SLC13A5: variants seen among roughly 807,000 people sequenced by gnomAD.
The protein encoded by SLC13A5 is solute carrier family 13 member 5.
A neutral mutation model predicts 56.5 loss-of-function variants in SLC13A5; 25 were observed. The ratio of observed to expected loss-of-function variants is 0.44; its 90% CI spans 0.32 to 0.62. The LOEUF is 0.62. Among genes scored for constraint, SLC13A5 ranks in the 20% least tolerant of loss-of-function variants. SLC13A5 has a pLI of 0.04. For missense variants in SLC13A5, 649 were observed against 737.8 expected, an observed-to-expected ratio of 0.88 and a Z score of 1.39; for synonymous variants, 307 against 301.5, an observed-to-expected ratio of 1.02 and a Z score of -0.19.
At chr17:6,703,200 T>G in intron 4 of SLC13A5, 62 bp from the exon 5 acceptor site, 1 of 1,589,112 alleles carries the variant, frequency 6.3e-7, no homozygotes, top group Non-Finnish European at 8.6e-7. Flanking sequence ...CAGCCCCAGG[T>G]CCTGACTCTG....
At chr17:6,703,779 G>T (rs989124244) in intron 4 of SLC13A5, 99 bp downstream of exon 4, 1 of 1,302,368 alleles carries the variant, frequency 7.7e-7, no homozygotes, top group East Asian at 2.4e-5. Context: ...GGAGGGCTCC[G>T]GGAAGCAGAC....
chr17:6,708,679 T>C (rs926023304), intron 1 of SLC13A5, among the ~76,000 whole-genome samples: 2 of 152,254 alleles, frequency 1.3e-5, no homozygotes, highest in African/African-American at 4.8e-5. Flanking sequence ...GATAATTATT[T>C]ACCCAGTTAC....
intron 10 of SLC13A5, 32 bp downstream of exon 10, chr17:6,690,747 G>A (rs1430674284): frequency 1.2e-6 from 2 of 1,614,096 alleles, no homozygotes; most frequent in Non-Finnish European, 1.7e-6. Context: ...CTGTGAAATG[G>A]AAGGGCTCCT....
intron 1 of SLC13A5, among the ~76,000 whole-genome samples, chr17:6,712,658 G>A (rs1251718062): frequency 1.3e-5 from 2 of 152,260 alleles, no homozygotes; most frequent in South Asian, 2.1e-4. Flanking sequence ...TGGAAGGAAT[G>A]TGGATCATAG....
At chr17:6,704,528 C>T in intron 3 of SLC13A5, 1 of 327,906 alleles carries the variant, frequency 3.0e-6, no homozygotes, top group East Asian at 7.7e-5. Flanking sequence ...CTCAGAAGTT[C>T]AGAAGGGCTA....
intron 4 of SLC13A5, 121 bp from the exon 5 acceptor site, chr17:6,703,259 C>T (rs1317503901): frequency 1.2e-5 from 14 of 1,199,536 alleles, no homozygotes; most frequent in Non-Finnish European, 1.5e-5. Context: ...TTTAGCTGCC[C>T]CACTGGGCTC....
At chr17:6,699,077 AAATAAAT>A (rs1464621979) in intron 6 of SLC13A5, among the ~76,000 whole-genome samples, 1,541 of 123,572 alleles carry the variant, frequency 0.012, 19 homozygotes, top group African/African-American at 0.029. Context: ...ATAAATAAAT[AAATAAAT>A]AAATAAAATA....
At chr17:6,705,245 G>A (rs1265419905) in intron 3 of SLC13A5, 3 of 152,208 alleles carry the variant, frequency 2.0e-5, no homozygotes, top group Non-Finnish European at 4.4e-5. Flanking sequence ...GAAGAACCAA[G>A]GCTTCTACAT....
chr17:6,700,169 G>A (rs1973671829), intron 6 of SLC13A5, among the ~76,000 whole-genome samples: 1 of 152,100 alleles, frequency 6.6e-6, no homozygotes, highest in Admixed American at 6.6e-5. Flanking sequence ...TTGCACCACA[G>A]ATAAATTTGT....
chr17:6,706,019 G>A (rs1003709822), intron 3 of SLC13A5, among the ~76,000 whole-genome samples: 1 of 152,144 alleles, frequency 6.6e-6, no homozygotes, highest in Admixed American at 6.5e-5. Flanking sequence ...TAAGCTCCTG[G>A]TATCATGCCT....
intron 10 of SLC13A5, chr17:6,688,023 G>T (rs1973297880): frequency 5.8e-6 from 1 of 172,500 alleles, no homozygotes; most frequent in Non-Finnish European, 1.2e-5. Flanking sequence ...CTAGAGGCCA[G>T]GGACCACATC....
rs564914138 is a variant in SLC13A5, at chr17:6,701,505, C to G, written c.717-379G>C. Among the ~76,000 whole-genome samples, 1 of 152,136 alleles carries G rather than the reference C, an allele frequency of 6.6e-6. No homozygotes were observed. Among genetic ancestry groups the G allele is most frequent in the Admixed American group, 6.5e-5 (1 of 15,284 alleles). On this transcript the variant is annotated intron_variant, in intron 5 of 11. Coordinates refer to ENST00000433363, the MANE Select transcript of SLC13A5 (RefSeq NM_177550.5). The surrounding 1 kb of genome is among the most constrained non-coding windows in gnomAD (Gnocchi z 4.1). Reference sequence around the variant, plus strand: ...GGCAGGTGGGGCACAAGGTCAGGAGCTTAAGACTGGCCTGGCCAACATGGT... The same window carrying G: ...GGCAGGTGGGGCACAAGGTCAGGAGGTTAAGACTGGCCTGGCCAACATGGT...
intron 9 of SLC13A5, among the ~76,000 whole-genome samples, chr17:6,691,677 C>T (rs1973409011): frequency 6.6e-6 from 1 of 152,204 alleles, no homozygotes; most frequent in South Asian, 2.1e-4. Flanking sequence ...AGAATGTCCA[C>T]AGAGTCCAAA....
chr17:6,703,838 C>A, intron 4 of SLC13A5, 40 bp downstream of exon 4: 1 of 1,495,066 alleles, frequency 6.7e-7, no homozygotes, highest in Middle Eastern at 1.9e-4. Context: ...GAGGGGAAGG[C>A]TGCTGTTGTG....
rs57708304 is a variant in SLC13A5 at position 6,711,408 on chromosome 17, A to ATCTC, written c.102+1820_102+1823dup. ...TGGTCCTCACTCAAAGGACAGCTTA[A>ATCTC]TCTCTCTCTCTCTCTCTCTTACACA... On this transcript the variant is annotated intron_variant, in intron 1 of 11. Coordinates refer to ENST00000433363, the MANE Select transcript of SLC13A5 (RefSeq NM_177550.5). This position sits in a 1 kb window ranked among gnomAD's most constrained non-coding sequence, Gnocchi z 4.0. Among the ~76,000 whole-genome samples, 11 of 147,094 alleles carry ATCTC rather than the reference A, an allele frequency of 7.5e-5. No individual in the cohort carries two copies. The highest frequency in any genetic ancestry group is 4.3e-4 in the South Asian group (2 of 4,606).
In SLC13A5 at chr17:6,687,896, A is replaced by G; in HGVS notation, c.1438-230T>C. The stretch of plus-strand genomic sequence containing the variant: ...AGGCCTTACCCCCTCAATTCATTCG[A>G]CATGTATTTCTTGGGCACCTACTAT... On this transcript the variant is annotated intron_variant, in intron 10 of 11. Coordinates refer to ENST00000433363, the MANE Select transcript of SLC13A5 (RefSeq NM_177550.5). This position sits in a 1 kb window ranked among gnomAD's most constrained non-coding sequence, Gnocchi z 5.0. 2.2e-6 allele frequency: 1 copy of G among 453,840 alleles called. No homozygotes were observed. Among genetic ancestry groups the G allele is most frequent in the Admixed American group, 4.5e-5 (1 of 22,264 alleles). The allele number at this position is 453,840 out of a possible 1,614,324, so 28.1% of individuals were successfully genotyped here. A position where few individuals can be genotyped will look rare whatever the true frequency, so the allele number is the denominator to read the frequency against.
chr17:6,692,960 C>G lies in SLC13A5; in HGVS notation c.1275+84G>C. The G allele has an allele frequency of 9.6e-7, 1 of 1,037,806 alleles. No individual in the cohort carries two copies. Among genetic ancestry groups the G allele is most frequent in the Non-Finnish European group, 1.5e-6 (1 of 656,420 alleles). 64.3% of individuals were successfully genotyped at this position (1,037,806 alleles called of 1,614,324 possible). A position where few individuals can be genotyped will look rare whatever the true frequency, so the allele number is the denominator to read the frequency against. On this transcript the variant is annotated intron_variant, in intron 9 of 11. Transcript: ENST00000433363. This position sits in a 1 kb window ranked among gnomAD's most constrained non-coding sequence, Gnocchi z 5.5. ...CGAAGGATGCAGGCACAGAAACACA[C>G]AAGCCCAGGGATGGAAGGGTGGAGA...
At position 6,713,176 on chromosome 17, in the gene SLC13A5, C is replaced by T. The variant is rs1178262149; in HGVS notation, c.102+56G>A. 3.2e-6 allele frequency: 5 copies of T among 1,559,492 alleles called. No homozygotes were observed. The highest frequency in any genetic ancestry group is 1.7e-4 in the Middle Eastern group (1 of 6,000). On this transcript the variant is annotated intron_variant, in intron 1 of 11. Coordinates refer to ENST00000433363, the MANE Select transcript of SLC13A5 (RefSeq NM_177550.5). The surrounding 1 kb of genome is among the most constrained non-coding windows in gnomAD (Gnocchi z 7.3). The stretch of plus-strand genomic sequence containing the variant: ...GCTCAGGGCTCCCGGGATCGGTGCC[C>T]GTTAGTGGGCACAGGACGCCGGGTG...
Position 6,690,824 on chromosome 17 carries a change from G to A in SLC13A5, c.1392C>T (p.Ser464=). ...LLVAVFTECT[S]NVATTTLFLP... is the part of the protein sequence containing the mutation. Reference sequence around the variant, plus strand: ...GGAACAAGGTGGTGGTGGCCACGTTGCTTGTGCACTCAGTGAACACGGCAA... The same window carrying A: ...GGAACAAGGTGGTGGTGGCCACGTTACTTGTGCACTCAGTGAACACGGCAA... Residue 464 remains serine, a synonymous_variant, in exon 10 of 12, where the codon AGC becomes AGT. Coordinates refer to ENST00000433363, the MANE Select transcript of SLC13A5 (RefSeq NM_177550.5). 6.2e-7 allele frequency: 1 copy of A among 1,614,246 alleles called. No homozygotes were observed. Among genetic ancestry groups the A allele is most frequent in the Non-Finnish European group, 8.5e-7 (1 of 1,180,042 alleles).
Sources: gnomAD v4.1 joint callset for allele counts (sites outside exome capture counted in the v4.1 genomes callset) on GRCh38, gnomAD v4.1.1 for gene constraint, Gnocchi (gnomAD v3.1) non-coding constraint, MANE v1.5 for transcripts, NCBI Gene and HGNC (gene_info 2026-07-23, HGNC 2026-07-21) for gene names.